RARB: variants seen among roughly 807,000 people sequenced by gnomAD.
RARB encodes the protein retinoic acid receptor beta, also known as HBV-activated protein.
Under a neutral mutation model 51.9 loss-of-function variants are expected in RARB, and 17 were observed. The ratio of observed to expected loss-of-function variants is 0.33; its 90% CI spans 0.22 to 0.49. The LOEUF (loss-of-function observed/expected upper bound fraction) is 0.49, where lower values mean the gene tolerates loss of function less well. Among genes scored for constraint, RARB ranks in the 20% least tolerant of loss-of-function variants. The pLI is 0.99. For missense variants in RARB, 369 were observed against 550.8 expected, an observed-to-expected ratio of 0.67 and a Z score of 3.30; for synonymous variants, 215 against 195.4, an observed-to-expected ratio of 1.10 and a Z score of -0.84.
At chr3:25,108,024 CTG>C (rs1192340339) in intron 3 of RARB, among the ~76,000 whole-genome samples, 1 of 152,158 alleles carries the variant, frequency 6.6e-6, no homozygotes, top group African/African-American at 2.4e-5. Context: ...AACACAAACA[CTG>C]TGATACCTTA....
chr3:25,439,579 GGA>G (rs928226983), intron 1 of RARB, among the ~76,000 whole-genome samples: 1 of 151,918 alleles, frequency 6.6e-6, no homozygotes, highest in African/African-American at 2.4e-5. Flanking sequence ...CTAGGTTTTT[GGA>G]GAGAGAGGGT....
intron 5 of RARB, among the ~76,000 whole-genome samples, chr3:25,382,724 G>A (rs1016076245): frequency 3.9e-5 from 6 of 152,074 alleles, no homozygotes; most frequent in African/African-American, 9.7e-5. Flanking sequence ...CGGGTGTGGC[G>A]GTGTGCACCT....
At chr3:25,003,518 G>C (rs980016177) in intron 2 of RARB, among the ~76,000 whole-genome samples, 1 of 152,060 alleles carries the variant, frequency 6.6e-6, no homozygotes, top group Non-Finnish European at 1.5e-5. Context: ...TTCATCTTAT[G>C]ACAGAAATAG....
upstream of RARB, among the ~76,000 whole-genome samples, chr3:25,428,080 T>C (rs957892153): frequency 6.6e-6 from 1 of 152,202 alleles, no homozygotes; most frequent in African/African-American, 2.4e-5. Context: ...CGCCGGCTTG[T>C]GCGCTCGCTG....
intron 4 of RARB, among the ~76,000 whole-genome samples, chr3:25,575,177 G>A (rs930338644): frequency 6.6e-6 from 1 of 152,162 alleles, no homozygotes; most frequent in Admixed American, 6.5e-5. Flanking sequence ...CTTTGCAGTA[G>A]GGTTCATGTT....
intron 3 of RARB, among the ~76,000 whole-genome samples, chr3:25,083,356 G>A (rs573199627): frequency 2.0e-5 from 3 of 151,954 alleles, no homozygotes; most frequent in African/African-American, 4.8e-5. Flanking sequence ...TTTTAGCATC[G>A]TGCTTGATTT....
intron 2 of RARB, among the ~76,000 whole-genome samples, chr3:25,038,820 T>C (rs1698056311): frequency 1.3e-5 from 2 of 152,292 alleles, no homozygotes; most frequent in Admixed American, 6.5e-5. Flanking sequence ...TGGAGCCTTA[T>C]TGCCAACCTC....
intron 5 of RARB, among the ~76,000 whole-genome samples, chr3:25,251,774 C>T (rs969859742): frequency 3.3e-5 from 5 of 151,034 alleles, no homozygotes; most frequent in Non-Finnish European, 4.4e-5. Flanking sequence ...TTTTATCAGA[C>T]GTATGATTCG....
At position 25,207,142 on chromosome 3, in the gene RARB, A is replaced by G. The variant is rs187723646; in HGVS notation, c.178+32567A>G. 3.8e-3 allele frequency among the ~76,000 whole-genome samples: 583 copies of G among 152,314 alleles called. 2 individuals carry two copies. Among genetic ancestry groups the G allele is most frequent in the African/African-American group, 0.013 (542 of 41,558 alleles). ...CTCAGGGGAAAATGTATAAATCACT[A>G]CTGCTTTTGATTGAAGATTTTGCTC... is the stretch of plus-strand genomic sequence containing the variant. On this transcript the variant is annotated intron_variant, in intron 5 of 11. Transcript: ENST00000383772.
rs151013627 is a variant in RARB, at chr3:25,023,741, T to C, written c.-379-36384T>C. Reference sequence around the variant, plus strand: ...AAGGACAGAGTGGAAGTTTCTTCTGTGAGGTTATCCAGTGAAACCTCAATA... The same window carrying C: ...AAGGACAGAGTGGAAGTTTCTTCTGCGAGGTTATCCAGTGAAACCTCAATA... On this transcript the variant is annotated intron_variant, in intron 2 of 11. Transcript: ENST00000383772. Among the ~76,000 whole-genome samples the C allele has an allele frequency of 1.6e-3, 248 of 152,322 alleles. 1 individual carries two copies. The highest frequency in any genetic ancestry group is 2.7e-3 in the Non-Finnish European group (182 of 68,024).
At chr3:25,506,261 AAAAAAAAAAAAAAAAC>A (rs1697589615) in intron 3 of RARB, among the ~76,000 whole-genome samples, 1 of 151,204 alleles carries the variant, frequency 6.6e-6, no homozygotes, top group African/African-American at 2.4e-5. Flanking sequence ...TCAAAAAAAA[AAAAAAAAAAAAAAAAC>A]CAGCTCTTTT....
chr3:25,087,555 G>C (rs994187628), intron 3 of RARB, among the ~76,000 whole-genome samples: 2 of 152,044 alleles, frequency 1.3e-5, no homozygotes, highest in Admixed American at 1.3e-4. Flanking sequence ...CAAGATAATA[G>C]TAAATACCTC....
chr3:24,913,152 G>A (rs568547589), intron 2 of RARB, among the ~76,000 whole-genome samples: 2 of 150,886 alleles, frequency 1.3e-5, no homozygotes, highest in African/African-American at 4.9e-5. Flanking sequence ...GGCTAATTTT[G>A]TTTTTGTATT....
At chr3:25,296,942 G>T (rs747192888) in intron 5 of RARB, among the ~76,000 whole-genome samples, 3 of 152,188 alleles carry the variant, frequency 2.0e-5, no homozygotes, top group African/African-American at 2.4e-5. Context: ...TGGGCAGTCC[G>T]TGAGGCTCGT....
intron 2 of RARB, among the ~76,000 whole-genome samples, chr3:24,878,250 T>C (rs1215869553): frequency 6.6e-6 from 1 of 151,888 alleles, no homozygotes; most frequent in East Asian, 1.9e-4. Flanking sequence ...GTATGTCTCT[T>C]CCATCATTTT....
intron 5 of RARB, among the ~76,000 whole-genome samples, chr3:25,255,525 A>C (rs9857554): frequency 6.6e-6 from 1 of 152,184 alleles, no homozygotes; most frequent in Non-Finnish European, 1.5e-5. Context: ...GGCAACTAGA[A>C]TCTTTAATCA....
chr3:25,522,683 CAATT>C (rs1395436021), intron 3 of RARB, among the ~76,000 whole-genome samples: 3 of 152,088 alleles, frequency 2.0e-5, no homozygotes, highest in Non-Finnish European at 4.4e-5. Context: ...GGCCCAGACT[CAATT>C]AAGGCACAGA....
At chr3:25,499,286 AT>A (rs58489882) in intron 2 of RARB, among the ~76,000 whole-genome samples, 5,925 of 152,298 alleles carry the variant, frequency 0.039, 358 homozygotes, top group African/African-American at 0.13. Context: ...TGTTCAACAC[AT>A]TTGATGATGT....
intron 7 of RARB, among the ~76,000 whole-genome samples, chr3:25,595,936 C>T (rs181777797): frequency 8.5e-5 from 13 of 152,292 alleles, no homozygotes; most frequent in South Asian, 6.2e-4. Context: ...CATATTTAAA[C>T]GTCACCATAT....
Sources: gnomAD v4.1 joint callset for allele counts (sites outside exome capture counted in the v4.1 genomes callset) on GRCh38, gnomAD v4.1.1 for gene constraint, MANE v1.5 for transcripts, NCBI Gene and HGNC (gene_info 2026-07-23, HGNC 2026-07-21) for gene names.